The following MAPK10 variants were observed in gnomAD, a reference collection of about 807,000 sequenced individuals.
MAPK10 encodes JNK3 alpha protein kinase.
Under a neutral mutation model 59.3 loss-of-function variants are expected in MAPK10, and 25 were observed. The ratio of observed to expected loss-of-function variants is 0.42; its 90% CI spans 0.31 to 0.59. MAPK10 has a LOEUF of 0.59. MAPK10 is among the 20% of genes least tolerant of loss of function. The probability of loss-of-function intolerance (pLI) is 0.15; values close to 1 mark genes in which losing one functional copy is unlikely to be tolerated. For missense variants in MAPK10, 351 were observed against 568.9 expected, an observed-to-expected ratio of 0.62 and a Z score of 3.90; for synonymous variants, 190 against 200.5, an observed-to-expected ratio of 0.95 and a Z score of 0.44.
chr4:86,538,416 G>T (rs971709876), intron 1 of MAPK10, among the ~76,000 whole-genome samples: 3 of 152,192 alleles, frequency 2.0e-5, no homozygotes, highest in Non-Finnish European at 4.4e-5. Flanking sequence ...AAAGTGCTGG[G>T]ATTACAGGTG....
chr4:86,089,130 C>T lies in MAPK10; in HGVS notation c.802+9394G>A, dbSNP rs578160596. The T allele has an allele frequency of 1.5e-4, 165 of 1,068,104 alleles. 2 individuals carry two copies. In the African/African-American group the frequency reaches 2.3e-3, roughly 15 times the overall value. 66.2% of individuals were successfully genotyped at this position (1,068,104 alleles called of 1,614,324 possible). A position where few individuals can be genotyped will look rare whatever the true frequency, so the allele number is the denominator to read the frequency against. On this transcript the variant is annotated intron_variant, in intron 9 of 13. Coordinates refer to ENST00000641462, the MANE Select transcript of MAPK10 (RefSeq NM_138982.4). ...AAGGACAGTGAACAAATACCATAAG[C>T]AGTACTGCATTTGAGACAAAAGGGA... is the stretch of plus-strand genomic sequence containing the variant.
chr4:86,308,929 G>A lies in MAPK10; in HGVS notation c.-7+45601C>T, dbSNP rs530182659. On this transcript the variant is annotated intron_variant, in intron 2 of 13. Transcript: ENST00000641462. Reference sequence around the variant, plus strand: ...CATAATACTAAAAATTCTCAATATGGTGATGAATGAGTTAACATATAAAAA... The same window carrying A: ...CATAATACTAAAAATTCTCAATATGATGATGAATGAGTTAACATATAAAAA... 3.3e-5 allele frequency among the ~76,000 whole-genome samples: 5 copies of A among 152,128 alleles called. No homozygotes were observed. In the East Asian group the frequency reaches 9.6e-4, roughly 29 times the overall value.
intron 2 of MAPK10, among the ~76,000 whole-genome samples, chr4:86,235,905 C>T (rs1563413181): frequency 6.6e-6 from 1 of 152,164 alleles, no homozygotes; most frequent in Non-Finnish European, 1.5e-5. Context: ...AATGGATTAT[C>T]TCACAGTTCC....
At chr4:86,478,661 T>C (rs951366011) in intron 1 of MAPK10, among the ~76,000 whole-genome samples, 19 of 152,286 alleles carry the variant, frequency 1.2e-4, no homozygotes, top group African/African-American at 2.6e-4. Context: ...TCCCACATTA[T>C]TCCTGATACC....
At chr4:86,046,292 T>C (rs1190834446) in intron 11 of MAPK10, among the ~76,000 whole-genome samples, 2 of 151,552 alleles carry the variant, frequency 1.3e-5, no homozygotes, top group African/African-American at 2.4e-5. Context: ...TGAATACGCT[T>C]TATTTCTTTC....
At chr4:86,184,718 C>T (rs1399934929) in intron 3 of MAPK10, among the ~76,000 whole-genome samples, 14 of 152,056 alleles carry the variant, frequency 9.2e-5, no homozygotes, top group Admixed American at 5.9e-4. Context: ...CCACGCTGGC[C>T]GTGTGAGATG....
At chr4:86,072,466 G>T in intron 9 of MAPK10, among the ~76,000 whole-genome samples, 1 of 131,480 alleles carries the variant, frequency 7.6e-6, no homozygotes, top group South Asian at 2.5e-4. Context: ...TCCCTGTCTT[G>T]TGCCAGTTTT....
At chr4:86,414,850 T>C (rs1745659059) in intron 1 of MAPK10, among the ~76,000 whole-genome samples, 2 of 152,178 alleles carry the variant, frequency 1.3e-5, no homozygotes, top group South Asian at 4.1e-4. Flanking sequence ...ATAATATCCA[T>C]GTGGTTCTAG....
chr4:86,490,859 A>G (rs947479125), intron 1 of MAPK10, among the ~76,000 whole-genome samples: 6 of 152,346 alleles, frequency 3.9e-5, no homozygotes, highest in African/African-American at 1.4e-4. Context: ...AGTCAGCTCC[A>G]ACTTAAGAAG....
chr4:86,180,574 T>C (rs1354349429), intron 3 of MAPK10, among the ~76,000 whole-genome samples: 2 of 150,392 alleles, frequency 1.3e-5, no homozygotes, highest in Non-Finnish European at 3.0e-5. Flanking sequence ...CTATTCACAA[T>C]AGCCAAGACA....
chr4:86,580,908 C>G (rs934203389), intron 1 of MAPK10, among the ~76,000 whole-genome samples: 12 of 152,172 alleles, frequency 7.9e-5, no homozygotes, highest in East Asian at 7.7e-4. Context: ...GGATAAACAG[C>G]CTGATTTGAC....
chr4:86,160,962 G>A (rs561686425), intron 3 of MAPK10, among the ~76,000 whole-genome samples: 2 of 140,816 alleles, frequency 1.4e-5, no homozygotes, highest in South Asian at 5.1e-4. Flanking sequence ...GATCCAAGCA[G>A]CATCAGTGAT....
At chr4:86,393,034 C>A (rs906509107) in intron 1 of MAPK10, among the ~76,000 whole-genome samples, 4 of 152,170 alleles carry the variant, frequency 2.6e-5, no homozygotes, top group Non-Finnish European at 5.9e-5. Flanking sequence ...TAACTTCTTG[C>A]AGAGGCTGGC....
intron 3 of MAPK10, among the ~76,000 whole-genome samples, chr4:86,167,100 G>C (rs1180325627): frequency 2.0e-5 from 3 of 152,082 alleles, no homozygotes; most frequent in East Asian, 3.8e-4. Context: ...AACACCTCTA[G>C]ACAAATATAC....
At chr4:86,072,132 G>A (rs1388860285) in intron 9 of MAPK10, among the ~76,000 whole-genome samples, 1 of 150,374 alleles carries the variant, frequency 6.7e-6, no homozygotes, top group South Asian at 2.1e-4. Flanking sequence ...GGATTCCTAG[G>A]TCTTTTATTC....
At chr4:86,460,655 A>G (rs1443299885) in intron 1 of MAPK10, among the ~76,000 whole-genome samples, 2 of 152,244 alleles carry the variant, frequency 1.3e-5, no homozygotes, top group Admixed American at 6.5e-5. Context: ...TTTACAGAAT[A>G]AGGGCAAGCA....
rs150628407 is a variant in MAPK10, at chr4:86,158,463, A to G, written c.236+835T>C. The stretch of plus-strand genomic sequence containing the variant: ...GTTTTTAAATGGACATTATGAATGT[A>G]GCAGTAATAAATAAATATATTGTAT... On this transcript the variant is annotated intron_variant, in intron 4 of 13. Coordinates refer to ENST00000641462, the MANE Select transcript of MAPK10 (RefSeq NM_138982.4). Among the ~76,000 whole-genome samples, 1,133 of 151,888 alleles carry G rather than the reference A, an allele frequency of 7.5e-3. 13 individuals are homozygous for G. Among genetic ancestry groups the G allele is most frequent in the African/African-American group, 0.026 (1,072 of 41,436 alleles).
Position 86,359,933 on chromosome 4 carries a change from C to A in MAPK10, c.-397G>T. On this transcript the variant is annotated 5_prime_UTR_variant, in exon 1 of 14. Transcript: ENST00000641462. ...GTAAGCATATAGCAAGCACCACCCA[C>A]CCCCATAAAAATAAAAAGTGAAGGG... 1.0e-6 allele frequency: 1 copy of A among 985,682 alleles called. No homozygotes were observed. The highest frequency in any genetic ancestry group is 4.7e-5 in the South Asian group (1 of 21,270). 61.1% of individuals were successfully genotyped at this position (985,682 alleles called of 1,614,324 possible). A position where few individuals can be genotyped will look rare whatever the true frequency, so the allele number is the denominator to read the frequency against.
chr4:86,136,642 C>T (rs2062196229), intron 4 of MAPK10, among the ~76,000 whole-genome samples: 1 of 150,182 alleles, frequency 6.7e-6, no homozygotes, highest in Non-Finnish European at 1.5e-5. Flanking sequence ...AGCAAAATCA[C>T]CAGCTAACAT....
Sources: allele counts gnomAD v4.1 joint callset (sites outside exome capture counted in the v4.1 genomes callset), GRCh38; gene constraint gnomAD v4.1.1; transcripts MANE v1.5; gene names NCBI Gene and HGNC (gene_info 2026-07-23, HGNC 2026-07-21).